MYO10: variants seen among roughly 807,000 people sequenced by gnomAD.
MYO10 encodes the protein myosin X.
MYO10 carries 133 observed loss-of-function variants against 257.3 expected under a neutral mutation model. The ratio of observed to expected loss-of-function variants is 0.52; its 90% CI spans 0.45 to 0.60. The LOEUF is 0.60. Among genes scored for constraint, MYO10 ranks in the 20% least tolerant of loss-of-function variants. MYO10 has a pLI of 0.00. For synonymous variants in MYO10, 1,104 were observed against 1,028.6 expected (o/e 1.07, Z -1.40); for missense variants, 2,399 against 2,635.7 (o/e 0.91, Z 1.97).
intron 29 of MYO10, among the ~76,000 whole-genome samples, chr5:16,684,645 T>G (rs1378974371): frequency 6.6e-6 from 1 of 152,240 alleles, no homozygotes; most frequent in Non-Finnish European, 1.5e-5. Context: ...ATCTTACACT[T>G]CTTCTCCTAA....
intron 1 of MYO10, among the ~76,000 whole-genome samples, chr5:16,925,472 G>A (rs745559672): frequency 2.6e-5 from 4 of 152,012 alleles, no homozygotes; most frequent in Non-Finnish European, 4.4e-5. Flanking sequence ...AGTAGGTGGT[G>A]CAATCTCGGC....
chr5:16,917,838 G>A (rs1012844772), intron 1 of MYO10, among the ~76,000 whole-genome samples: 2 of 152,092 alleles, frequency 1.3e-5, no homozygotes, highest in East Asian at 3.9e-4. Context: ...TTGCATCACT[G>A]CACTCCGGCC....
rs570300735 is a variant in MYO10 at position 16,688,157 on chromosome 5, T to C, written c.3896+1667A>G. 3.3e-5 allele frequency among the ~76,000 whole-genome samples: 5 copies of C among 152,180 alleles called. No homozygotes were observed. The South Asian group carries it at 6.2e-4, about 19-fold the overall frequency. ...ATTCCCTGGGCCACAAACAACCACA[T>C]GTGGTCTCCAGGAGTCCCAGACAGA... On this transcript the variant is annotated intron_variant, in intron 28 of 40. Coordinates refer to ENST00000513610, the MANE Select transcript of MYO10 (RefSeq NM_012334.3).
intron 1 of MYO10, among the ~76,000 whole-genome samples, chr5:16,933,713 G>T (rs1254088420): frequency 6.6e-6 from 1 of 152,202 alleles, no homozygotes; most frequent in East Asian, 1.9e-4. Flanking sequence ...GAGAGAGAAA[G>T]GGGAGCTGGG....
rs190785209 is a variant in MYO10 at position 16,662,187 on chromosome 5, C to G, written c.*4505G>C. Reference sequence around the variant, plus strand: ...ATAGGGATTTTCAAATTAATTAAAGCGCTTATTTTTATACCCAATACACAC... The same window carrying G: ...ATAGGGATTTTCAAATTAATTAAAGGGCTTATTTTTATACCCAATACACAC... On this transcript the variant is annotated 3_prime_UTR_variant, in exon 41 of 41. Coordinates refer to ENST00000513610, the MANE Select transcript of MYO10 (RefSeq NM_012334.3). 6.6e-6 allele frequency: 1 copy of G among 151,956 alleles called. No homozygotes were observed. Among genetic ancestry groups the G allele is most frequent in the East Asian group, 1.9e-4 (1 of 5,172 alleles). The allele number at this position is 151,956 out of a possible 1,614,324, so 9.4% of individuals were successfully genotyped here.
intron 31 of MYO10, 57 bp from the exon 32 acceptor site, chr5:16,681,560 A>T: frequency 6.7e-7 from 1 of 1,486,394 alleles, no homozygotes; most frequent in Non-Finnish European, 9.2e-7. Context: ...CCCAAAGACC[A>T]CACAATCATC....
At chr5:16,872,475 C>T (rs1243207060) in intron 2 of MYO10, among the ~76,000 whole-genome samples, 1 of 151,998 alleles carries the variant, frequency 6.6e-6, no homozygotes, top group Non-Finnish European at 1.5e-5. Context: ...TAAACTTAAC[C>T]CTAGTACCCT....
chr5:16,678,959 C>A (rs1736857649), intron 33 of MYO10, among the ~76,000 whole-genome samples: 1 of 152,210 alleles, frequency 6.6e-6, no homozygotes, highest in Admixed American at 6.5e-5. Context: ...AGAACATCCC[C>A]CGTCACCGTT....
intron 1 of MYO10, among the ~76,000 whole-genome samples, chr5:16,929,265 T>C (rs1025624594): frequency 2.6e-5 from 4 of 152,190 alleles, no homozygotes; most frequent in Non-Finnish European, 5.9e-5. Context: ...ATCAGTGGCA[T>C]GTTCAAAAGC....
intron 2 of MYO10, among the ~76,000 whole-genome samples, chr5:16,869,925 AAGGGGGAGGGGG>A (rs373571341): frequency 3.8e-5 from 4 of 105,784 alleles, no homozygotes; most frequent in African/African-American, 3.8e-5. Context: ...AGGGAAGGGG[AAGGGGGAGGGGG>A]AGGGGGAGGG....
chr5:16,917,355 C>T (rs1745850489), intron 1 of MYO10, among the ~76,000 whole-genome samples: 1 of 152,158 alleles, frequency 6.6e-6, no homozygotes, highest in Admixed American at 6.6e-5. Flanking sequence ...ACCCTTAACA[C>T]TATTGACCTA....
chr5:16,690,973 G>A (rs780433359), intron 27 of MYO10, among the ~76,000 whole-genome samples: 16 of 149,178 alleles, frequency 1.1e-4, no homozygotes, highest in Admixed American at 4.7e-4. Flanking sequence ...GATAACTAAA[G>A]AAGTGCAAAT....
chr5:16,767,890 T>C (rs111261513), intron 10 of MYO10, among the ~76,000 whole-genome samples: 1 of 151,768 alleles, frequency 6.6e-6, no homozygotes, highest in Non-Finnish European at 1.5e-5. Context: ...GTTGGCCAGG[T>C]TGGTCTCGAA....
intron 37 of MYO10, among the ~76,000 whole-genome samples, chr5:16,671,959 C>T (rs115387351): frequency 6.6e-6 from 1 of 152,092 alleles, no homozygotes; most frequent in African/African-American, 2.4e-5. Flanking sequence ...AGCAGGAATA[C>T]CTTCGCGCTA....
At chr5:16,861,611 G>A (rs1345120651) in intron 2 of MYO10, among the ~76,000 whole-genome samples, 1 of 152,098 alleles carries the variant, frequency 6.6e-6, no homozygotes, top group East Asian at 1.9e-4. Context: ...AGGGGTAAGT[G>A]AGAAGTGGCA....
chr5:16,789,434 T>C (rs1251039561), intron 4 of MYO10, among the ~76,000 whole-genome samples: 1 of 152,112 alleles, frequency 6.6e-6, no homozygotes, highest in African/African-American at 2.4e-5. Flanking sequence ...AAAGATTAAC[T>C]CCAAAGGTCT....
At chr5:16,842,492 C>T (rs1194707222) in intron 2 of MYO10, among the ~76,000 whole-genome samples, 3 of 152,214 alleles carry the variant, frequency 2.0e-5, no homozygotes, top group African/African-American at 4.8e-5. Flanking sequence ...CTCATCACTA[C>T]GAGATGTGGC....
At chr5:16,921,690 C>G (rs987115031) in intron 1 of MYO10, among the ~76,000 whole-genome samples, 1 of 150,652 alleles carries the variant, frequency 6.6e-6, no homozygotes, top group Non-Finnish European at 1.5e-5. Flanking sequence ...AAAATACTAT[C>G]AAGTTTCATC....
At chr5:16,727,175 C>CGTT (rs1739402217) in intron 19 of MYO10, among the ~76,000 whole-genome samples, 1 of 152,094 alleles carries the variant, frequency 6.6e-6, no homozygotes, top group Non-Finnish European at 1.5e-5. Context: ...GTTGTTAAAA[C>CGTT]TGCTTTCACA....
Sources: gnomAD v4.1 joint callset for allele counts (sites outside exome capture counted in the v4.1 genomes callset) on GRCh38, gnomAD v4.1.1 for gene constraint, MANE v1.5 for transcripts, NCBI Gene and HGNC (gene_info 2026-07-23, HGNC 2026-07-21) for gene names.